IL23R: variants seen among roughly 807,000 people sequenced by gnomAD.
IL23R encodes interleukin 23 receptor.
Under a neutral mutation model 56.9 loss-of-function variants are expected in IL23R, and 34 were observed. That is an observed-to-expected ratio of 0.60 (90% confidence interval 0.45 to 0.80). The LOEUF (loss-of-function observed/expected upper bound fraction) is 0.80, where lower values mean the gene tolerates loss of function less well. Ranked by LOEUF, IL23R falls within the 30% of genes least tolerant of loss-of-function variation. The pLI is 0.00. For missense variants in IL23R, 635 were observed against 730.0 expected (o/e 0.87, Z 1.50); for synonymous variants, 230 against 249.2 (o/e 0.92, Z 0.73).
chr1:67,155,918 C>T (rs1316673546), intron 1 of IL23R, among the ~76,000 whole-genome samples: 1 of 152,184 alleles, frequency 6.6e-6, no homozygotes, highest in Non-Finnish European at 1.5e-5. Flanking sequence ...TTTTCCTCAT[C>T]TTCATGGATT....
intron 9 of IL23R, among the ~76,000 whole-genome samples, chr1:67,254,609 C>T (rs1652839100): frequency 6.6e-6 from 1 of 152,004 alleles, no homozygotes; most frequent in Non-Finnish European, 1.5e-5. Context: ...ACCCTAAAGT[C>T]CAAGGTCAAA....
chr1:67,186,461 A>T (rs1647341157), intron 4 of IL23R, among the ~76,000 whole-genome samples: 1 of 152,176 alleles, frequency 6.6e-6, no homozygotes, highest in Non-Finnish European at 1.5e-5. Flanking sequence ...GCCAAAAAAA[A>T]AATCACATCC....
chr1:67,141,994 A>G (rs556597410), intron 1 of IL23R, among the ~76,000 whole-genome samples: 1 of 152,306 alleles, frequency 6.6e-6, no homozygotes, highest in East Asian at 1.9e-4. Flanking sequence ...TTAAGGAACA[A>G]CATGTTTTAT....
downstream of IL23R, among the ~76,000 whole-genome samples, chr1:67,263,074 G>A (rs549661557): frequency 4.6e-4 from 69 of 149,348 alleles, no homozygotes; most frequent in Middle Eastern, 3.5e-3. Flanking sequence ...AGGTGTGTAC[G>A]TGTGTGTGCG....
Position 67,228,107 on chromosome 1 carries a change from TC to T in IL23R, c.955+8378del, listed in dbSNP as rs1412735801. On this transcript the variant is annotated intron_variant, in intron 7 of 10. Coordinates refer to ENST00000347310, the MANE Select transcript of IL23R (RefSeq NM_144701.3). The stretch of plus-strand genomic sequence containing the variant: ...TTTTCTTTCTTTCTTTCTTTCTTTC[TC>T]TCTCTTTCTTTCTTTCTTTCCTTCT... Among the ~76,000 whole-genome samples the T allele has an allele frequency of 5.4e-4, 26 of 48,560 alleles. 4 individuals carry two copies. The highest frequency in any genetic ancestry group is 1.1e-3 in the African/African-American group (13 of 11,454). 31.9% of individuals were successfully genotyped at this position (48,560 alleles called of 152,430 possible).
intron 1 of IL23R, among the ~76,000 whole-genome samples, chr1:67,155,311 T>C (rs1646762208): frequency 6.6e-6 from 1 of 152,184 alleles, no homozygotes; most frequent in Non-Finnish European, 1.5e-5. Flanking sequence ...GTGCTCTCTG[T>C]ATTTCCTGAA....
In IL23R at chr1:67,184,562, A is replaced by G. The variant is rs1647223931; in HGVS notation, c.491+1603A>G. On this transcript the variant is annotated intron_variant, in intron 4 of 10. Transcript: ENST00000347310. The stretch of plus-strand genomic sequence containing the variant: ...AACTCTGTCTCAAAAAATAAATAAA[A>G]TAAAATAAATAAAATAAAATAAAAT... Among the ~76,000 whole-genome samples, 2 of 109,892 alleles carry G rather than the reference A, an allele frequency of 1.8e-5. 1 individual carries two copies. The highest frequency in any genetic ancestry group is 5.5e-4 in the East Asian group (2 of 3,662). 72.1% of individuals were successfully genotyped at this position (109,892 alleles called of 152,430 possible).
chr1:67,258,986 C>G lies in IL23R; in HGVS notation c.1748C>G (p.Thr583Ser). 1 of 1,614,114 alleles carries G rather than the reference C, an allele frequency of 6.2e-7. No homozygotes were observed. The highest frequency in any genetic ancestry group is 8.5e-7 in the Non-Finnish European group (1 of 1,180,008). The change falls in exon 11 of 11, where the codon ACT (threonine) becomes AGT (serine). Residue 583 changes from threonine to serine, a missense_variant. Coordinates refer to ENST00000347310, the MANE Select transcript of IL23R (RefSeq NM_144701.3). The stretch of plus-strand genomic sequence containing the variant: ...TTGGAAAATGATTCACCCAGTGAAA[C>G]TATTCCAGAACAGACCCTGCTTCCT... ...MLLENDSPSE[T>S]IPEQTLLPDE... is the part of the protein sequence containing the mutation.
intron 4 of IL23R, among the ~76,000 whole-genome samples, chr1:67,197,437 T>C (rs1459303138): frequency 2.6e-5 from 4 of 151,792 alleles, no homozygotes; most frequent in South Asian, 2.1e-4. Context: ...AATAATGGAG[T>C]AGGTAGTTCA....
At chr1:67,176,465 T>G (rs938067207) in intron 3 of IL23R, among the ~76,000 whole-genome samples, 2 of 152,048 alleles carry the variant, frequency 1.3e-5, no homozygotes, top group Non-Finnish European at 2.9e-5. Flanking sequence ...TATTCTTCCA[T>G]TACAAATTTA....
chr1:67,236,095 A>AC (rs1651452796), intron 7 of IL23R, among the ~76,000 whole-genome samples: 1 of 152,164 alleles, frequency 6.6e-6, no homozygotes, highest in Non-Finnish European at 1.5e-5. Flanking sequence ...TGCTCACCCC[A>AC]CCCTGGTCAG....
At chr1:67,236,999 C>T (rs1032136567) in intron 8 of IL23R, among the ~76,000 whole-genome samples, 197 bp downstream of exon 8, 1 of 152,032 alleles carries the variant, frequency 6.6e-6, no homozygotes, top group Non-Finnish European at 1.5e-5. Context: ...GTGGATTTTG[C>T]CGGCTTTTGC....
intron 1 of IL23R, among the ~76,000 whole-genome samples, chr1:67,159,543 C>A (rs981471583): frequency 7.2e-5 from 11 of 152,112 alleles, no homozygotes; most frequent in Non-Finnish European, 1.5e-4. Context: ...TTCTTTATAA[C>A]AGTGTGAGAA....
chr1:67,240,268 T>A lies in IL23R; in HGVS notation c.1135T>A (p.Ser379Thr). The change falls in exon 9 of 11, where the codon TCA becomes ACA. Residue 379 changes from serine (S) to threonine (T), a missense_variant. Coordinates refer to ENST00000347310, the MANE Select transcript of IL23R (RefSeq NM_144701.3). ...TTCTTTGATTGGGATATTTAACAGA[T>A]CATTCCGAACTGGGTAGGTTTTTGC... ...ILSLIGIFNR[S>T]FRTGIKRRIL... 1 of 1,610,776 alleles carries A rather than the reference T, an allele frequency of 6.2e-7. No individual in the cohort carries two copies. The highest frequency in any genetic ancestry group is 8.5e-7 in the Non-Finnish European group (1 of 1,177,088).
chr1:67,188,389 G>A (rs17129698), intron 4 of IL23R, among the ~76,000 whole-genome samples: 3,973 of 152,262 alleles, frequency 0.026, 62 homozygotes, highest in Middle Eastern at 0.041. Context: ...CTGGCAGAAG[G>A]GCATTGTAAA....
At chr1:67,157,251 GC>G (rs1270352268) in intron 1 of IL23R, among the ~76,000 whole-genome samples, 1 of 152,038 alleles carries the variant, frequency 6.6e-6, no homozygotes, top group African/African-American at 2.4e-5. Flanking sequence ...GGCCATCTTG[GC>G]CCCTCCCCGT....
At chr1:67,216,247 G>A (rs370976847) in intron 6 of IL23R, among the ~76,000 whole-genome samples, 44 of 152,296 alleles carry the variant, frequency 2.9e-4, no homozygotes, top group African/African-American at 1.0e-3. Flanking sequence ...CTCATGGAAG[G>A]CAGAGATGTG....
chr1:67,211,157 A>G (rs1054965687), intron 6 of IL23R, among the ~76,000 whole-genome samples: 1 of 152,246 alleles, frequency 6.6e-6, no homozygotes, highest in Non-Finnish European at 1.5e-5. Context: ...ATTGATAATC[A>G]AGTGAAGATC....
At chr1:67,180,832 C>T (rs1647129025) in intron 3 of IL23R, among the ~76,000 whole-genome samples, 2 of 152,236 alleles carry the variant, frequency 1.3e-5, no homozygotes, top group South Asian at 4.2e-4. Flanking sequence ...CAAAATCTCT[C>T]AGCATTTGCT....
Sources: gnomAD v4.1 joint callset for allele counts (sites outside exome capture counted in the v4.1 genomes callset) on GRCh38, gnomAD v4.1.1 for gene constraint, MANE v1.5 for transcripts, NCBI Gene and HGNC (gene_info 2026-07-23, HGNC 2026-07-21) for gene names.